Variants in USH2A observed in about 807,000 individuals in gnomAD.
USH2A encodes Usher syndrome 2A (autosomal recessive, mild).
A neutral mutation model predicts 538.9 loss-of-function variants in USH2A; 443 were observed. The observed-to-expected ratio is 0.82, with a 90% CI of 0.76 to 0.89. The LOEUF is 0.89. Among genes scored for constraint, USH2A ranks in the 40% least tolerant of loss-of-function variants. The probability of loss-of-function intolerance (pLI) is 0.00; values close to 1 mark genes in which losing one functional copy is unlikely to be tolerated. For synonymous variants in USH2A, 2,413 were observed against 2,273.5 expected (o/e 1.06, Z -1.75); for missense variants, 6,633 against 6,324.8 (o/e 1.05, Z -1.65).
chr1:216,396,142 C>A (rs1042571828), intron 3 of USH2A, among the ~76,000 whole-genome samples: 2 of 151,896 alleles, frequency 1.3e-5, no homozygotes, highest in Admixed American at 6.6e-5. Flanking sequence ...GCAGTAAATA[C>A]AATATGACTT....
At chr1:216,050,649 G>T (rs1379203104) in intron 30 of USH2A, among the ~76,000 whole-genome samples, 4 of 132,342 alleles carry the variant, frequency 3.0e-5, no homozygotes, top group Non-Finnish European at 4.7e-5. Flanking sequence ...CAGTTGCCCA[G>T]GCTGGAGTGC....
Position 215,675,365 on chromosome 1 carries a change from A to C in USH2A, c.12546T>G (p.Asn4182Lys), listed in dbSNP as rs1657986831. The C allele has an allele frequency of 2.5e-6, 4 of 1,614,016 alleles. No homozygotes were observed. Among genetic ancestry groups the C allele is most frequent in the Non-Finnish European group, 2.5e-6 (3 of 1,180,024 alleles). Residue 4182 changes from asparagine to lysine, a missense_variant, in exon 63 of 72, where the codon AAT becomes AAG. By Grantham distance (94) the Asn-to-Lys change is moderately conservative (BLOSUM62 0). Transcript: ENST00000307340. ...ELSWSEPVNP[N>K]GKIIRYEVIR... ...TCACTTCATAGCGAATTATTTTTCC[A>C]TTTGGGTTAACAGGCTCAGACCAGC...
chr1:216,119,750 T>C (rs990982657), intron 21 of USH2A, among the ~76,000 whole-genome samples: 1 of 152,182 alleles, frequency 6.6e-6, no homozygotes, highest in Non-Finnish European at 1.5e-5. Flanking sequence ...AGCAAATCTA[T>C]TGGTCCCACA....
intron 44 of USH2A, among the ~76,000 whole-genome samples, chr1:215,856,832 GGTGTGTGTGTGTGTGTGT>G (rs71159889): frequency 7.0e-5 from 10 of 141,896 alleles, no homozygotes; most frequent in African/African-American, 2.6e-4. Flanking sequence ...AAAAAAATTT[GGTGTGTGTGTGTGTGTGT>G]GTGTGTGTGT....
At chr1:216,285,460 G>A (rs759497136) in intron 11 of USH2A, among the ~76,000 whole-genome samples, 2 of 152,242 alleles carry the variant, frequency 1.3e-5, no homozygotes, top group Non-Finnish European at 2.9e-5. Context: ...ATGCCTGGAT[G>A]TCCAGGCAGA....
chr1:216,232,953 T>C (rs1010874865), intron 13 of USH2A, among the ~76,000 whole-genome samples: 1 of 152,200 alleles, frequency 6.6e-6, no homozygotes, highest in Non-Finnish European at 1.5e-5. Context: ...GTAGAGTTAA[T>C]GGATAGCAAA....
intron 58 of USH2A, among the ~76,000 whole-genome samples, chr1:215,755,133 A>G (rs1307982876): frequency 6.6e-6 from 1 of 152,132 alleles, no homozygotes; most frequent in African/African-American, 2.4e-5. Context: ...TAGCACATCA[A>G]AGTCATATGT....
intron 13 of USH2A, among the ~76,000 whole-genome samples, chr1:216,233,879 T>C (rs2035752831): frequency 6.6e-6 from 1 of 152,082 alleles, no homozygotes; most frequent in Non-Finnish European, 1.5e-5. Context: ...CATGTATGTG[T>C]ACATATACAT....
At chr1:215,663,126 T>C (rs559724627) in intron 64 of USH2A, among the ~76,000 whole-genome samples, 1 of 152,328 alleles carries the variant, frequency 6.6e-6, no homozygotes, top group South Asian at 2.1e-4. Flanking sequence ...GAGGCAACTG[T>C]ACTCCTGATT....
At chr1:216,079,414 T>C (rs551471593) in intron 26 of USH2A, among the ~76,000 whole-genome samples, 1 of 152,122 alleles carries the variant, frequency 6.6e-6, no homozygotes, top group East Asian at 1.9e-4. Flanking sequence ...CCCTGGAAAT[T>C]GGGAAAGGTT....
chr1:215,853,111 C>A, intron 44 of USH2A, among the ~76,000 whole-genome samples: 1 of 152,224 alleles, frequency 6.6e-6, no homozygotes, highest in Non-Finnish European at 1.5e-5. Flanking sequence ...CCTGCCCCTG[C>A]AGCAAACTTC....
chr1:215,651,407 G>A (rs962946283), intron 64 of USH2A, among the ~76,000 whole-genome samples: 6 of 152,074 alleles, frequency 3.9e-5, no homozygotes, highest in African/African-American at 1.4e-4. Context: ...GTTAAATTAG[G>A]CCCAATAATA....
chr1:216,230,602 C>T (rs975173507), intron 14 of USH2A, among the ~76,000 whole-genome samples: 8 of 152,110 alleles, frequency 5.3e-5, no homozygotes, highest in Admixed American at 5.2e-4. Context: ...AGTAATTACC[C>T]TGTCACCTGT....
At chr1:215,973,841 T>C (rs1177815424) in intron 35 of USH2A, among the ~76,000 whole-genome samples, 1 of 151,988 alleles carries the variant, frequency 6.6e-6, no homozygotes, top group African/African-American at 2.4e-5. Context: ...AAGTGATATT[T>C]GTGACAGTTA....
intron 43 of USH2A, among the ~76,000 whole-genome samples, chr1:215,875,435 A>C (rs1043294190): frequency 2.0e-5 from 3 of 152,194 alleles, no homozygotes; most frequent in Non-Finnish European, 1.5e-5. Context: ...TTATCTGCAC[A>C]CTTCCCTTCC....
At chr1:216,208,318 C>G (rs761372153) in intron 15 of USH2A, among the ~76,000 whole-genome samples, 13 of 152,106 alleles carry the variant, frequency 8.5e-5, no homozygotes, top group Non-Finnish European at 1.6e-4. Context: ...AGAAGCACAA[C>G]CTAATCAAAC....
rs1379073603 is a variant in USH2A, at chr1:215,674,582, C to T, written c.13329G>A (p.Leu4443=). ...ATGTTGGAGAGTCCATGTTCTCTGGCAGGGCCTCCATTGTCCAGGCAGATT... is the reference window on the plus strand; with the variant it reads ...ATGTTGGAGAGTCCATGTTCTCTGGTAGGGCCTCCATTGTCCAGGCAGATT... ...VSKSAWTMEA[L]PENMDSPTLQ... Residue 4443 remains leucine, a synonymous_variant, in exon 63 of 72, where the codon CTG becomes CTA. Transcript: ENST00000307340. 2.5e-6 allele frequency: 4 copies of T among 1,614,000 alleles called. No individual in the cohort carries two copies. In the Admixed American group the frequency reaches 5.0e-5, roughly 20 times the overall value.
At chr1:216,119,169 C>T (rs2033074148) in intron 21 of USH2A, among the ~76,000 whole-genome samples, 1 of 152,094 alleles carries the variant, frequency 6.6e-6, no homozygotes, top group African/African-American at 2.4e-5. Context: ...AGGAGTTCTC[C>T]CCAACCCCAT....
rs1473630973 is a variant in USH2A at position 215,954,348 on chromosome 1, G to A, written c.7120+10969C>T. Reference sequence around the variant, plus strand: ...AACAATGATAGACTGGATTAAGAAAGTGTGGCACAAATACACCATGGAATA... The same window carrying A: ...AACAATGATAGACTGGATTAAGAAAATGTGGCACAAATACACCATGGAATA... On this transcript the variant is annotated intron_variant, in intron 37 of 71. Transcript: ENST00000307340. 2.6e-5 allele frequency among the ~76,000 whole-genome samples: 4 copies of A among 152,094 alleles called. No individual in the cohort carries two copies. The South Asian group carries it at 8.3e-4, about 32-fold the overall frequency.
Sources: allele counts gnomAD v4.1 joint callset (sites outside exome capture counted in the v4.1 genomes callset), GRCh38; gene constraint gnomAD v4.1.1; transcripts MANE v1.5; gene names NCBI Gene and HGNC (gene_info 2026-07-23, HGNC 2026-07-21).